MED27: variants seen among roughly 807,000 people sequenced by gnomAD.
MED27 encodes mediator complex subunit 27.
A neutral mutation model predicts 38.2 loss-of-function variants in MED27; 30 were observed. The observed-to-expected ratio is 0.79, with a 90% confidence interval of 0.59 to 1.07. MED27 has a LOEUF of 1.07. Ranked by LOEUF, MED27 falls within the 50% of genes least tolerant of loss-of-function variation. The probability of loss-of-function intolerance (pLI) is 0.00; values close to 1 mark genes in which losing one functional copy is unlikely to be tolerated. For missense variants in MED27, 289 were observed against 397.5 expected (o/e 0.73, Z 2.32); for synonymous variants, 122 against 153.5 (o/e 0.79, Z 1.52).
chr9:132,079,523 G>T, intron 1 of MED27, 119 bp downstream of exon 1: 2 of 912,820 alleles, frequency 2.2e-6, no homozygotes, highest in Non-Finnish European at 3.5e-6. Flanking sequence ...AACAAGAAGA[G>T]AAAGAACAGG....
At chr9:131,955,386 T>A (rs1831075912) in intron 3 of MED27, among the ~76,000 whole-genome samples, 1 of 151,476 alleles carries the variant, frequency 6.6e-6, no homozygotes, top group Non-Finnish European at 1.5e-5. Flanking sequence ...GAAAATTAAA[T>A]CCAAGGTAAG....
At chr9:132,043,272 A>G (rs1332924672) in intron 2 of MED27, among the ~76,000 whole-genome samples, 2 of 151,658 alleles carry the variant, frequency 1.3e-5, no homozygotes, top group Admixed American at 1.3e-4. Flanking sequence ...CCAGACCCTG[A>G]GCAACTTACT....
intron 4 of MED27, among the ~76,000 whole-genome samples, chr9:131,916,883 T>C (rs1442470923): frequency 6.6e-6 from 1 of 152,122 alleles, no homozygotes; most frequent in African/African-American, 2.4e-5. Context: ...ACCCCTTCAA[T>C]ACAGGCATAA....
intron 3 of MED27, among the ~76,000 whole-genome samples, chr9:131,991,132 A>G (rs1302888949): frequency 6.6e-6 from 1 of 152,202 alleles, no homozygotes; most frequent in Non-Finnish European, 1.5e-5. Context: ...ACTTGTACCC[A>G]AATATCTTTG....
chr9:131,993,232 T>G (rs1832015871), intron 3 of MED27, among the ~76,000 whole-genome samples: 1 of 29,394 alleles, frequency 3.4e-5, no homozygotes. Flanking sequence ...TTATTCATGT[T>G]TTTTTTTTTT....
Position 131,898,621 on chromosome 9 carries a change from T to C in MED27, c.574-4629A>G, listed in dbSNP as rs1829874073. Among the ~76,000 whole-genome samples the C allele has an allele frequency of 2.6e-5, 4 of 152,014 alleles. No homozygotes were observed. The South Asian group carries it at 8.3e-4, about 32-fold the overall frequency. On this transcript the variant is annotated intron_variant, in intron 4 of 7. Transcript: ENST00000292035. ...TTTTTTTTTTTTGAGATAGTCTCGC[T>C]CTGTCTCCCATGTTGGAGTGCAGTG...
In MED27 at chr9:131,913,883, G is replaced by C. The variant is rs889532553; in HGVS notation, c.574-19891C>G. ...GCAGGACAGCACTCTGCCAGTCTTT[G>C]CTGAATGGCACAACCAAAACTCAAA... On this transcript the variant is annotated intron_variant, in intron 4 of 7. Transcript: ENST00000292035. This position sits in a 1 kb window ranked among gnomAD's most constrained non-coding sequence, Gnocchi z 4.5. Among the ~76,000 whole-genome samples, 16 of 152,316 alleles carry C rather than the reference G, an allele frequency of 1.1e-4. No homozygotes were observed. Among genetic ancestry groups the C allele is most frequent in the Admixed American group, 8.5e-4 (13 of 15,300 alleles).
At chr9:132,062,164 G>A (rs1478736666) in intron 2 of MED27, among the ~76,000 whole-genome samples, 1 of 152,216 alleles carries the variant, frequency 6.6e-6, no homozygotes, top group African/African-American at 2.4e-5. Flanking sequence ...TCATCTAACT[G>A]AAAGTGTTTT....
intron 6 of MED27, among the ~76,000 whole-genome samples, chr9:131,875,332 A>G (rs1838911987): frequency 6.6e-6 from 1 of 152,160 alleles, no homozygotes; most frequent in Admixed American, 6.5e-5. Context: ...AAGGCAGACA[A>G]TGCTTTGGTG....
At chr9:132,045,519 G>T (rs1833316989) in intron 2 of MED27, among the ~76,000 whole-genome samples, 1 of 151,588 alleles carries the variant, frequency 6.6e-6, no homozygotes, top group Non-Finnish European at 1.5e-5. Context: ...ATTAACAGTG[G>T]TTATATTTGA....
chr9:131,902,708 G>A (rs1829973615), intron 4 of MED27, among the ~76,000 whole-genome samples: 1 of 152,174 alleles, frequency 6.6e-6, no homozygotes, highest in Admixed American at 6.5e-5. Context: ...AAATGGCCCT[G>A]GGGGTGGCTC....
At chr9:131,918,220 T>C (rs1830327942) in intron 4 of MED27, among the ~76,000 whole-genome samples, 1 of 152,228 alleles carries the variant, frequency 6.6e-6, no homozygotes, top group African/African-American at 2.4e-5. Flanking sequence ...CAAAGGTATC[T>C]TTAGAAATTA....
chr9:131,922,598 A>G (rs1830414335), intron 4 of MED27, among the ~76,000 whole-genome samples: 2 of 150,112 alleles, frequency 1.3e-5, no homozygotes, highest in African/African-American at 4.9e-5. Flanking sequence ...GCACCGCCAC[A>G]CCCAGCTAAT....
At chr9:132,070,918 T>G (rs1249426217) in intron 2 of MED27, among the ~76,000 whole-genome samples, 2 of 151,940 alleles carry the variant, frequency 1.3e-5, no homozygotes, top group Non-Finnish European at 2.9e-5. Context: ...AAGGTGCTGA[T>G]TATTCAACAG....
At chr9:132,017,814 C>A (rs1832637681) in intron 2 of MED27, among the ~76,000 whole-genome samples, 1 of 152,158 alleles carries the variant, frequency 6.6e-6, no homozygotes, top group Non-Finnish European at 1.5e-5. Flanking sequence ...CCCTTTCTAA[C>A]CAATTATATC....
intron 2 of MED27, among the ~76,000 whole-genome samples, chr9:132,038,875 G>A (rs1833142909): frequency 6.6e-6 from 1 of 152,140 alleles, no homozygotes. Context: ...TGGGTGCCGT[G>A]GCAGGGCTTC....
chr9:131,938,454 C>T (rs551734045), intron 4 of MED27, among the ~76,000 whole-genome samples: 2 of 152,190 alleles, frequency 1.3e-5, no homozygotes, highest in African/African-American at 4.8e-5. Context: ...ACACAGACCA[C>T]TAGAAAAGCT....
At chr9:131,916,138 T>C (rs1278866834) in intron 4 of MED27, among the ~76,000 whole-genome samples, 1 of 152,242 alleles carries the variant, frequency 6.6e-6, no homozygotes, top group Non-Finnish European at 1.5e-5. Context: ...AACTGTTTTA[T>C]CTCAATGTAT....
At position 131,880,006 on chromosome 9, in the gene MED27, G is replaced by T. The variant is rs141597779; in HGVS notation, c.723+4052C>A. ...TGTGCCAGGTCTCTGAATCTGCAAA[G>T]GACAACGTGGTCCCACCTCTGCACG... is the stretch of plus-strand genomic sequence containing the variant. On this transcript the variant is annotated intron_variant, in intron 6 of 7. Transcript: ENST00000292035. Among the ~76,000 whole-genome samples, 73 of 152,364 alleles carry T rather than the reference G, an allele frequency of 4.8e-4. No homozygotes were observed. The East Asian group carries it at 0.013, about 28-fold the overall frequency.
Sources: gnomAD v4.1 joint callset for allele counts (sites outside exome capture counted in the v4.1 genomes callset) on GRCh38, gnomAD v4.1.1 for gene constraint, Gnocchi (gnomAD v3.1) non-coding constraint, MANE v1.5 for transcripts, NCBI Gene and HGNC (gene_info 2026-07-23, HGNC 2026-07-21) for gene names.